ZNF737: variants seen among roughly 807,000 people sequenced by gnomAD.
ZNF737 encodes zinc finger protein 737, also known as zinc finger protein 102 (Y3).
ZNF737 carries 13 observed loss-of-function variants against 11.7 expected under a neutral mutation model. The ratio of observed to expected loss-of-function variants is 1.11; its 90% CI spans 0.73 to 1.77. The LOEUF (loss-of-function observed/expected upper bound fraction) is 1.77, where lower values mean the gene tolerates loss of function less well. Ranked by LOEUF, ZNF737 falls within the 40% of genes most tolerant of loss-of-function variation. The probability of loss-of-function intolerance (pLI) is 0.00; values close to 1 mark genes in which losing one functional copy is unlikely to be tolerated. For missense variants in ZNF737, 636 were observed against 638.0 expected (o/e 1.00, Z 0.03); for synonymous variants, 217 against 216.2 (o/e 1.00, Z -0.03).
At chr19:20,531,094 G>A (rs1429103953), downstream of ZNF737, among the ~76,000 whole-genome samples, 11 of 146,336 alleles carry the variant, frequency 7.5e-5, 1 homozygote, top group Non-Finnish European at 1.4e-4. Flanking sequence ...CAGGCGTGGC[G>A]GCGCGCGCCT....
intron 3 of ZNF737, among the ~76,000 whole-genome samples, chr19:20,551,663 G>A (rs142647751): frequency 4.0e-4 from 61 of 151,002 alleles, no homozygotes; most frequent in Middle Eastern, 3.5e-3. Context: ...TAAAATAGAG[G>A]AAGAAAAAAT....
At chr19:20,531,299 G>T (rs1403604986), downstream of ZNF737, among the ~76,000 whole-genome samples, 1 of 147,672 alleles carries the variant, frequency 6.8e-6, no homozygotes, top group East Asian at 2.1e-4. Flanking sequence ...AGTCACTCTT[G>T]TTCGAACGCC....
rs1555756199 is a variant in ZNF737, at chr19:20,544,861, T to C, written c.1342A>G (p.Thr448Ala). The part of the protein sequence containing the change: ...SILTTHKRIH[T>A]GEKPYKCEEC... ...TCACATTTGTAGGGTTTCTCTCCAG[T>C]ATGAATTCTCTTATGTGTAGTAAGG... Residue 448 changes from threonine to alanine, a missense_variant, in exon 4 of 4, where the codon ACT (threonine) becomes GCT (alanine). Coordinates refer to ENST00000427401, the MANE Select transcript of ZNF737 (RefSeq NM_001159293.2). 5 of 1,613,798 alleles carry C rather than the reference T, an allele frequency of 3.1e-6. No individual in the cohort carries two copies. Among genetic ancestry groups the C allele is most frequent in the Non-Finnish European group, 4.2e-6 (5 of 1,179,888 alleles).
At chr19:20,547,911 G>C (rs1968514981) in intron 3 of ZNF737, among the ~76,000 whole-genome samples, 1 of 152,136 alleles carries the variant, frequency 6.6e-6, no homozygotes, top group Non-Finnish European at 1.5e-5. Flanking sequence ...AGCAGTTTGG[G>C]AGGCTGAGGT....
Position 20,565,753 on chromosome 19 carries a change from A to G in ZNF737, c.-113T>C. On this transcript the variant is annotated 5_prime_UTR_variant, in exon 1 of 4. Transcript: ENST00000427401. ...GAGCAGAGGACACACAGCAGTGAAG[A>G]CAAGACCTGGAGCTCCGGCTGCAGA... 1.3e-6 allele frequency: 2 copies of G among 1,538,020 alleles called. No individual in the cohort carries two copies. The highest frequency in any genetic ancestry group is 1.8e-6 in the Non-Finnish European group (2 of 1,111,156).
At chr19:20,548,678 A>G (rs1968544153) in intron 3 of ZNF737, among the ~76,000 whole-genome samples, 1 of 151,956 alleles carries the variant, frequency 6.6e-6, no homozygotes, top group Non-Finnish European at 1.5e-5. Flanking sequence ...TAGTTGTACA[A>G]TTTTGACTTC....
rs1410841038 is a variant in ZNF737, at chr19:20,545,450, A to G, written c.753T>C (p.His251=). The change falls in exon 4 of 4, where the codon CAT becomes CAC. Residue 251 remains histidine (H), a synonymous_variant. Transcript: ENST00000427401. ...FSYLTAHKII[H]SGEKPYKCEE... The stretch of plus-strand genomic sequence containing the variant: ...CACATTTGTAGGGTTTCTCTCCACT[A>G]TGAATTATCTTATGTGCAGTAAGGT... 12 of 1,613,728 alleles carry G rather than the reference A, an allele frequency of 7.4e-6. No homozygotes were observed. The African/African-American group carries it at 1.1e-4, about 14-fold the overall frequency.
At position 20,544,676 on chromosome 19, in the gene ZNF737, G is replaced by T; in HGVS notation, c.1527C>A (p.Tyr509Ter). The T allele has an allele frequency of 8.1e-6, 13 of 1,606,796 alleles. 1 individual carries two copies. The highest frequency in any genetic ancestry group is 1.1e-5 in the Non-Finnish European group (13 of 1,177,458). Residue 509 changes from tyrosine to a stop codon, truncating the protein, a stop_gained, in exon 4 of 4, where the codon TAC becomes TAA. Coordinates refer to ENST00000427401, the MANE Select transcript of ZNF737 (RefSeq NM_001159293.2). LOFTEE classifies it low-confidence loss of function (END_TRUNC). ...AGCCTTTGCCACATTCTTCACATTTGTAGGGTTTCTCTCCAGTATGAATTC... is the reference window on the plus strand; with the variant it reads ...AGCCTTTGCCACATTCTTCACATTTTTAGGGTTTCTCTCCAGTATGAATTC... ...HKRIHTGEKP[Y>*]KCEECGKGFK...
Position 20,541,723 on chromosome 19 carries a change from G to A in ZNF737, c.*2869C>T, listed in dbSNP as rs144801238. 6.9e-3 allele frequency among the ~76,000 whole-genome samples: 1,047 copies of A among 152,290 alleles called. 7 individuals are homozygous for A. The highest frequency in any genetic ancestry group is 0.01 in the Non-Finnish European group (690 of 68,028). On this transcript the variant is annotated 3_prime_UTR_variant, in exon 4 of 4. Transcript: ENST00000427401. ...TTACAGATGTGAGCCACTGTGCCTG[G>A]CCGTATTTTATTTACATTTTTGTAT...
intron 1 of ZNF737, among the ~76,000 whole-genome samples, chr19:20,559,707 A>G (rs1969013538): frequency 6.6e-6 from 1 of 152,230 alleles, no homozygotes; most frequent in African/African-American, 2.4e-5. Flanking sequence ...AACTAACAAC[A>G]GAATTATCAT....
chr19:20,544,888 T>A lies in ZNF737; in HGVS notation c.1315A>T (p.Ile439Phe), dbSNP rs782577367. 1 of 1,601,162 alleles carries A rather than the reference T, an allele frequency of 6.2e-7. No individual in the cohort carries two copies. Among genetic ancestry groups the A allele is most frequent in the African/African-American group, 1.4e-5 (1 of 71,090 alleles). Residue 439 changes from isoleucine to phenylalanine, a missense_variant, in exon 4 of 4, where the codon ATC (isoleucine) becomes TTC (phenylalanine). Ile to Phe is a conservative substitution (Grantham distance 21). Transcript: ENST00000427401. ...ECGKAFKCFS[I>F]LTTHKRIHTG... ...TGAATTCTCTTATGTGTAGTAAGGA[T>A]AGAGAAGCACTTAAAGGCCTTGCCA...
In ZNF737 at chr19:20,539,675, A is replaced by T; in HGVS notation, c.*4917T>A. The T allele has an allele frequency of 1.1e-6, 1 of 942,842 alleles. No homozygotes were observed. The highest frequency in any genetic ancestry group is 1.3e-6 in the Non-Finnish European group (1 of 791,260). 58.4% of individuals were successfully genotyped at this position (942,842 alleles called of 1,614,324 possible). ...TAGAATCCTCTATAATTAGAAGTTA[A>T]TTATTTATAAATTCATTGTTTTTAA... On this transcript the variant is annotated 3_prime_UTR_variant, in exon 4 of 4. Coordinates refer to ENST00000427401, the MANE Select transcript of ZNF737 (RefSeq NM_001159293.2).
downstream of ZNF737, among the ~76,000 whole-genome samples, chr19:20,531,837 G>T (rs1967836206): frequency 6.7e-6 from 1 of 149,862 alleles, no homozygotes; most frequent in South Asian, 2.2e-4. Context: ...AATATACATA[G>T]GGAGATAAAT....
At chr19:20,565,496 C>T in intron 1 of ZNF737, 142 bp downstream of exon 1, 1 of 1,451,858 alleles carries the variant, frequency 6.9e-7, no homozygotes, top group Non-Finnish European at 9.7e-7. Context: ...CTGAACGGGA[C>T]TGAGGCCGAG....
intron 3 of ZNF737, among the ~76,000 whole-genome samples, chr19:20,550,820 T>C (rs1440996483): frequency 6.6e-6 from 1 of 152,166 alleles, no homozygotes; most frequent in Non-Finnish European, 1.5e-5. Context: ...GGTTGAGAAG[T>C]GTTCTATTCA....
intron 3 of ZNF737, among the ~76,000 whole-genome samples, chr19:20,551,498 T>C (rs1968670928): frequency 6.7e-6 from 1 of 150,016 alleles, no homozygotes; most frequent in Non-Finnish European, 1.5e-5. Flanking sequence ...TAAGTAAAAG[T>C]TGCTGTTTGT....
chr19:20,530,634 G>A, the ZNF737 span, among the ~76,000 whole-genome samples: 9 of 148,174 alleles, frequency 6.1e-5, no homozygotes, highest in South Asian at 2.2e-4. Flanking sequence ...CAGACGGGGC[G>A]GCGGGGCAGA....
At chr19:20,532,416 A>T (rs1967852339), downstream of ZNF737, among the ~76,000 whole-genome samples, 1 of 149,756 alleles carries the variant, frequency 6.7e-6, no homozygotes, top group Non-Finnish European at 1.5e-5. Flanking sequence ...CATTTCATAG[A>T]CATACCCATG....
downstream of ZNF737, among the ~76,000 whole-genome samples, chr19:20,530,984 A>G (rs1378602391): frequency 8.0e-5 from 12 of 149,102 alleles, 2 homozygotes; most frequent in Non-Finnish European, 3.0e-5. Flanking sequence ...CTGGCACCTC[A>G]GGATGCTGAG....
Sources: allele counts gnomAD v4.1 joint callset (sites outside exome capture counted in the v4.1 genomes callset), GRCh38; gene constraint gnomAD v4.1.1; transcripts MANE v1.5; gene names NCBI Gene and HGNC (gene_info 2026-07-23, HGNC 2026-07-21).